The following DNAH6 variants were observed in gnomAD, a reference collection of about 807,000 sequenced individuals.
DNAH6 encodes axonemal beta dynein heavy chain 6.
A neutral mutation model predicts 491.4 loss-of-function variants in DNAH6; 340 were observed. That is an observed-to-expected ratio of 0.69 (90% confidence interval 0.63 to 0.76). The LOEUF (loss-of-function observed/expected upper bound fraction) is 0.76. DNAH6 is among the 30% of genes least tolerant of loss of function. The pLI is 0.00. For synonymous variants in DNAH6, 1,603 were observed against 1,686.1 expected (o/e 0.95, Z 1.21); for missense variants, 4,443 against 4,972.2 (o/e 0.89, Z 3.20).
chr2:84,654,214 A>G (rs901745901), intron 34 of DNAH6, among the ~76,000 whole-genome samples: 4 of 152,162 alleles, frequency 2.6e-5, no homozygotes, highest in African/African-American at 7.2e-5. Context: ...AGAATAAATT[A>G]TCCCACCATG....
chr2:84,773,353 A>G (rs879432420), intron 64 of DNAH6, among the ~76,000 whole-genome samples: 1 of 152,082 alleles, frequency 6.6e-6, no homozygotes, highest in African/African-American at 2.4e-5. Context: ...AGTTATAATA[A>G]TGACCTCCAG....
chr2:84,773,208 A>G (rs977799606), intron 64 of DNAH6, among the ~76,000 whole-genome samples: 1 of 151,824 alleles, frequency 6.6e-6, no homozygotes, highest in East Asian at 1.9e-4. Flanking sequence ...TAGTTTTTCA[A>G]CCCTCTCTTC....
At chr2:84,749,394 T>A (rs117528802) in intron 63 of DNAH6, among the ~76,000 whole-genome samples, 1 of 152,332 alleles carries the variant, frequency 6.6e-6, no homozygotes, top group East Asian at 1.9e-4. Flanking sequence ...AGACTAGGGA[T>A]GTGGCACAGC....
chr2:84,573,365 A>C (rs1288553713), intron 11 of DNAH6, 102 bp from the exon 12 acceptor site: 1 of 941,638 alleles, frequency 1.1e-6, no homozygotes, highest in Non-Finnish European at 1.6e-6. Context: ...ACTATTGGGC[A>C]TAGAGTTTGT....
At chr2:84,746,693 G>A (rs986490306) in intron 63 of DNAH6, among the ~76,000 whole-genome samples, 1 of 152,122 alleles carries the variant, frequency 6.6e-6, no homozygotes, top group Non-Finnish European at 1.5e-5. Flanking sequence ...TGCTATCTGT[G>A]TATGTTAGTC....
chr2:84,803,979 C>T (rs901886289), intron 70 of DNAH6, among the ~76,000 whole-genome samples: 4 of 151,998 alleles, frequency 2.6e-5, no homozygotes, highest in African/African-American at 4.8e-5. Flanking sequence ...GGCCAAGCCA[C>T]GTGAGTCACT....
intron 73 of DNAH6, among the ~76,000 whole-genome samples, 185 bp downstream of exon 73, chr2:84,812,711 G>T (rs1438029070): frequency 1.3e-5 from 2 of 152,160 alleles, no homozygotes; most frequent in African/African-American, 4.8e-5. Flanking sequence ...TTTGCCCTAG[G>T]CACTCATCCC....
chr2:84,681,459 G>A lies in DNAH6; in HGVS notation c.6847G>A (p.Asp2283Asn). Residue 2283 changes from aspartate (D) to asparagine (N), a missense_variant, in exon 42 of 77, where the codon GAC becomes AAC. Asp to Asn is a conservative substitution (Grantham distance 23). Transcript: ENST00000389394. Reference protein sequence around the residue: ...SVEIYNKMSVDLLPTPAKSHY... With the variant: ...SVEIYNKMSVNLLPTPAKSHY... ...TGAGATTTATAACAAAATGAGTGTTGACCTCCTGCCAACACCCGCCAAGTC... is the reference window on the plus strand; with the variant it reads ...TGAGATTTATAACAAAATGAGTGTTAACCTCCTGCCAACACCCGCCAAGTC... 1 of 1,551,328 alleles carries A rather than the reference G, an allele frequency of 6.4e-7. No individual in the cohort carries two copies. The highest frequency in any genetic ancestry group is 8.7e-7 in the Non-Finnish European group (1 of 1,146,846).
chr2:84,605,740 A>G, intron 20 of DNAH6, 148 bp downstream of exon 20: 1 of 583,082 alleles, frequency 1.7e-6, no homozygotes. Context: ...GAATGCAAAT[A>G]ATTGACGTGA....
rs1208388753 is a variant in DNAH6, at chr2:84,653,497, G to A, written c.5257G>A (p.Gly1753Arg). 21 of 1,551,128 alleles carry A rather than the reference G, an allele frequency of 1.4e-5. No homozygotes were observed. Among genetic ancestry groups the A allele is most frequent in the Non-Finnish European group, 1.7e-5 (20 of 1,146,714 alleles). Reference sequence around the variant, plus strand: ...AGTAAGGCATGGTGTTATGTTAGTCGGGCCAACAGGAGGCGGCAAGACCAC... The same window carrying A: ...AGTAAGGCATGGTGTTATGTTAGTCAGGCCAACAGGAGGCGGCAAGACCAC... ...MLVRHGVMLV[G>R]PTGGGKTTVY... The change falls in exon 34 of 77, where the codon GGG (glycine) becomes AGG (arginine). Residue 1753 changes from glycine (G) to arginine (R), a missense_variant. This residue lies in a region of DNAH6 where 2,977 missense variants were observed against 3,296.6 expected (regional missense o/e 0.90). Coordinates refer to ENST00000389394, the MANE Select transcript of DNAH6 (RefSeq NM_001370.2).
At position 84,547,620 on chromosome 2, in the gene DNAH6, G is replaced by A. The variant is rs1197008683; in HGVS notation, c.1186+8G>A. On this transcript the variant is annotated splice_region_variant and intron_variant, in intron 7 of 76. Coordinates refer to ENST00000389394, the MANE Select transcript of DNAH6 (RefSeq NM_001370.2). ...CATTTGGACCTTTTGAGGGTATGAA[G>A]GGGAAAGAACCTCAATATATCAGAA... 6.4e-7 allele frequency: 1 copy of A among 1,551,492 alleles called. No individual in the cohort carries two copies. Among genetic ancestry groups the A allele is most frequent in the Middle Eastern group, 1.7e-4 (1 of 5,994 alleles).
chr2:84,685,322 A>G lies in DNAH6; in HGVS notation c.6917-4A>G, dbSNP rs1694163977. 2 of 1,453,664 alleles carry G rather than the reference A, an allele frequency of 1.4e-6. No homozygotes were observed. The highest frequency in any genetic ancestry group is 1.8e-6 in the Non-Finnish European group (2 of 1,096,704). The allele number at this position is 1,453,664 out of a possible 1,614,324, so 90.0% of individuals were successfully genotyped here. A position where few individuals can be genotyped will look rare whatever the true frequency, so the allele number is the denominator to read the frequency against. ...TTTTTTTTTTTCCTTTTCTTAAAAAACAGGTATCCTCCAATGTGATCCAGG... is the reference window on the plus strand; with the variant it reads ...TTTTTTTTTTTCCTTTTCTTAAAAAGCAGGTATCCTCCAATGTGATCCAGG... On this transcript the variant is annotated splice_polypyrimidine_tract_variant and splice_region_variant and intron_variant, in intron 42 of 76. Coordinates refer to ENST00000389394, the MANE Select transcript of DNAH6 (RefSeq NM_001370.2).
At chr2:84,548,100 T>C (rs1372132764) in intron 7 of DNAH6, among the ~76,000 whole-genome samples, 188 bp from the exon 8 acceptor site, 3 of 152,242 alleles carry the variant, frequency 2.0e-5, no homozygotes, top group African/African-American at 7.2e-5. Flanking sequence ...ATCTATAATC[T>C]TGTTGAATTG....
At chr2:84,528,167 A>G (rs1676782095) in intron 3 of DNAH6, among the ~76,000 whole-genome samples, 1 of 152,144 alleles carries the variant, frequency 6.6e-6, no homozygotes, top group Non-Finnish European at 1.5e-5. Flanking sequence ...TGGGCATGGC[A>G]CAGTGGGACT....
intron 35 of DNAH6, among the ~76,000 whole-genome samples, chr2:84,655,747 C>T (rs1160197610): frequency 1.3e-5 from 2 of 152,096 alleles, no homozygotes; most frequent in Non-Finnish European, 2.9e-5. Context: ...AGTTCCCATG[C>T]ACTCCCTCAC....
intron 3 of DNAH6, among the ~76,000 whole-genome samples, chr2:84,527,076 AG>A (rs923229949): frequency 7.9e-5 from 12 of 152,152 alleles, no homozygotes; most frequent in African/African-American, 2.4e-4. Flanking sequence ...TCTGAGAAAA[AG>A]GTAATTTTTT....
chr2:84,616,569 T>G (rs1275078036), intron 22 of DNAH6, among the ~76,000 whole-genome samples: 1 of 152,120 alleles, frequency 6.6e-6, no homozygotes, highest in Non-Finnish European at 1.5e-5. Flanking sequence ...TTACCTTAAG[T>G]TTATGTGATT....
chr2:84,775,195 C>CT, intron 64 of DNAH6, among the ~76,000 whole-genome samples: 1 of 151,910 alleles, frequency 6.6e-6, no homozygotes, highest in Admixed American at 6.6e-5. Context: ...TGCCTAGTTT[C>CT]TTTTTTAATA....
rs1368023986 is a variant in DNAH6, at chr2:84,808,444, A to G, written c.11641A>G (p.Ser3881Gly). ...EKLEMEGASE[S>G]LFVKDLQGRL... is the part of the protein sequence containing the mutation. ...ACTGGAAATGGAGGGTGCTTCTGAG[A>G]GCCTTTTTGTCAAGGATCTTCAAGG... Residue 3881 changes from serine to glycine, a missense_variant, in exon 72 of 77, where the codon AGC (serine) becomes GGC (glycine). By Grantham distance (56) the Ser-to-Gly change is moderately conservative. Transcript: ENST00000389394. 1 of 1,545,150 alleles carries G rather than the reference A, an allele frequency of 6.5e-7. No homozygotes were observed. The highest frequency in any genetic ancestry group is 8.7e-7 in the Non-Finnish European group (1 of 1,145,088).
Sources: allele counts gnomAD v4.1 joint callset (sites outside exome capture counted in the v4.1 genomes callset), GRCh38; gene constraint gnomAD v4.1.1; regional missense constraint gnomAD v4.1.1; transcripts MANE v1.5; gene names NCBI Gene and HGNC (gene_info 2026-07-23, HGNC 2026-07-21).